The following GRK7 variants were observed in gnomAD, a reference collection of about 807,000 sequenced individuals.
GRK7 encodes the protein G protein-coupled receptor kinase 7, also known as rhodopsin kinase GRK7.
A neutral mutation model predicts 34.1 loss-of-function variants in GRK7; 24 were observed. The ratio of observed to expected loss-of-function variants is 0.70; its 90% CI spans 0.51 to 0.99. The LOEUF is 0.99. GRK7 is among the 50% of genes least tolerant of loss of function. GRK7 has a pLI of 0.00. For synonymous variants in GRK7, 256 were observed against 279.4 expected (o/e 0.92, Z 0.84); for missense variants, 644 against 707.3 (o/e 0.91, Z 1.02).
intron 2 of GRK7, among the ~76,000 whole-genome samples, chr3:141,775,366 G>A (rs1044396411): frequency 1.3e-5 from 2 of 152,068 alleles, no homozygotes; most frequent in South Asian, 2.1e-4. Context: ...TAGCCTGGGC[G>A]ACGACAGAGT....
At chr3:141,816,419 A>G (rs1247837424) in intron 5 of GRK7, among the ~76,000 whole-genome samples, 1 of 152,212 alleles carries the variant, frequency 6.6e-6, no homozygotes, top group Non-Finnish European at 1.5e-5. Context: ...CAGAACTTTC[A>G]TAGTATTTCC....
chr3:141,792,169 G>A (rs144043235), intron 4 of GRK7, among the ~76,000 whole-genome samples: 2,885 of 150,432 alleles, frequency 0.019, 97 homozygotes, highest in African/African-American at 0.066. Flanking sequence ...TTGGGAGGCC[G>A]AGGCGGACAG....
chr3:141,776,211 C>G (rs557308566), intron 2 of GRK7, among the ~76,000 whole-genome samples: 1 of 152,058 alleles, frequency 6.6e-6, no homozygotes, highest in South Asian at 2.1e-4. Context: ...GGCGTGAACC[C>G]AGGAGGCGGA....
chr3:141,789,570 C>T lies in GRK7; in HGVS notation c.1050+8759C>T, dbSNP rs534603664. 1.4e-4 allele frequency among the ~76,000 whole-genome samples: 21 copies of T among 150,516 alleles called. No homozygotes were observed. The East Asian group carries it at 3.5e-3, about 25-fold the overall frequency. ...AGGAGCCAGAGGAAGGTCTGTCCCACGTAAATCTCATGGATCGAGAGCAGA... is the reference window on the plus strand; with the variant it reads ...AGGAGCCAGAGGAAGGTCTGTCCCATGTAAATCTCATGGATCGAGAGCAGA... On this transcript the variant is annotated intron_variant, in intron 4 of 5. Transcript: ENST00000682958.
chr3:141,790,553 G>A (rs931478084), intron 4 of GRK7, among the ~76,000 whole-genome samples: 1 of 143,878 alleles, frequency 7.0e-6, no homozygotes, highest in South Asian at 2.2e-4. Flanking sequence ...TCCAGCCACT[G>A]TCTACATGCA....
At chr3:141,787,732 G>A (rs1449314555) in intron 4 of GRK7, among the ~76,000 whole-genome samples, 1 of 151,928 alleles carries the variant, frequency 6.6e-6, no homozygotes, top group Non-Finnish European at 1.5e-5. Context: ...CACCAGTCAG[G>A]TGCTGTGACT....
chr3:141,801,067 T>C (rs778917311), intron 4 of GRK7, among the ~76,000 whole-genome samples: 1 of 152,028 alleles, frequency 6.6e-6, no homozygotes, highest in African/African-American at 2.4e-5. Context: ...TCCCAGCACT[T>C]TGGGAGGCCG....
chr3:141,817,152 G>A lies in GRK7; in HGVS notation c.*102G>A, dbSNP rs1711164117. The A allele has an allele frequency of 2.4e-6, 2 of 844,270 alleles. No homozygotes were observed. The highest frequency in any genetic ancestry group is 2.6e-5 in the Admixed American group (1 of 38,670). 52.3% of individuals were successfully genotyped at this position (844,270 alleles called of 1,614,324 possible). On this transcript the variant is annotated 3_prime_UTR_variant, in exon 6 of 6. Transcript: ENST00000682958. Reference sequence around the variant, plus strand: ...GGAATGAGGGCTAATCAGTTAGGAGGGACATCACAACCACAAAACAATTCA... The same window carrying A: ...GGAATGAGGGCTAATCAGTTAGGAGAGACATCACAACCACAAAACAATTCA...
intron 4 of GRK7, among the ~76,000 whole-genome samples, chr3:141,790,848 G>C (rs1206274444): frequency 6.6e-6 from 1 of 152,226 alleles, no homozygotes; most frequent in Non-Finnish European, 1.5e-5. Context: ...ACAGGCGTAA[G>C]CCACCGCGCC....
At chr3:141,789,656 C>CAAAAAAAAAAAAAAAAAAAAAAAA (rs60765509) in intron 4 of GRK7, among the ~76,000 whole-genome samples, 50 of 119,210 alleles carry the variant, frequency 4.2e-4, no homozygotes, top group African/African-American at 1.3e-3. Context: ...GCCAAATGGG[C>CAAAAAAAAAAAAAAAAAAAAAAAA]AAAAAAAAAA....
intron 5 of GRK7, among the ~76,000 whole-genome samples, chr3:141,808,576 G>T (rs906005116): frequency 6.6e-6 from 1 of 151,954 alleles, no homozygotes; most frequent in Non-Finnish European, 1.5e-5. Context: ...AGCCGGGGGC[G>T]GTGGCAGGTG....
the GRK7 span, among the ~76,000 whole-genome samples, chr3:141,754,042 A>C: frequency 6.6e-6 from 1 of 152,258 alleles, no homozygotes; most frequent in East Asian, 1.9e-4. Context: ...ATAATGGTGC[A>C]TAATATAAGC....
Position 141,778,654 on chromosome 3 carries a change from C to T in GRK7, c.370C>T (p.Pro124Ser), listed in dbSNP as rs1306668074. 9.3e-6 allele frequency: 15 copies of T among 1,613,288 alleles called. No individual in the cohort carries two copies. Among genetic ancestry groups the T allele is most frequent in the Middle Eastern group, 3.3e-4 (2 of 6,082 alleles). The change falls in exon 3 of 6, where the codon CCC (proline) becomes TCC (serine). Residue 124 changes from proline (P) to serine (S), a missense_variant. By Grantham distance (74) the Pro-to-Ser change is moderately conservative. Coordinates refer to ENST00000682958, the MANE Select transcript of GRK7 (RefSeq NM_139209.3). The surrounding 1 kb of genome is among the most constrained non-coding windows in gnomAD (Gnocchi z 4.1). The part of the protein sequence containing the change: ...ASAPAPGNPQ[P>S]FLSQAVATKC... ...TGCCCCTGCCCCGGGGAACCCGCAA[C>T]CCTTCCTCAGCCAGGCCGTGGCCAC...
At chr3:141,812,416 G>A (rs969097604) in intron 5 of GRK7, among the ~76,000 whole-genome samples, 6 of 152,216 alleles carry the variant, frequency 3.9e-5, no homozygotes, top group Admixed American at 1.3e-4. Context: ...TTTTAATGAC[G>A]GAACTGTGGT....
At chr3:141,773,411 C>T (rs905900187) in intron 1 of GRK7, among the ~76,000 whole-genome samples, 3 of 151,826 alleles carry the variant, frequency 2.0e-5, no homozygotes, top group Admixed American at 1.3e-4. Flanking sequence ...TCTTCTACAT[C>T]GCTTAGGCCT....
intron 2 of GRK7, among the ~76,000 whole-genome samples, chr3:141,777,322 C>CTTTTTTTTTTTTTTTTTTTCTTTTTTT (rs2084644294): frequency 1.9e-5 from 1 of 52,872 alleles, no homozygotes; most frequent in African/African-American, 9.0e-5. Context: ...GATGGCCCCT[C>CTTTTTTTTTTTTTTTTTTTCTTTTTTT]TTTTTTTTTT....
At chr3:141,793,276 A>G (rs2084734119) in intron 4 of GRK7, among the ~76,000 whole-genome samples, 1 of 152,066 alleles carries the variant, frequency 6.6e-6, no homozygotes, top group South Asian at 2.1e-4. Context: ...ACTGGCATTC[A>G]AAGCCTAGAG....
chr3:141,801,310 C>CA (rs55657739), intron 4 of GRK7, among the ~76,000 whole-genome samples: 4,788 of 69,752 alleles, frequency 0.069, 412 homozygotes, highest in African/African-American at 0.21. Context: ...GACTCCGTCT[C>CA]AAAAAAAAAA....
At chr3:141,775,344 G>C (rs764458405) in intron 2 of GRK7, among the ~76,000 whole-genome samples, 1 of 152,002 alleles carries the variant, frequency 6.6e-6, no homozygotes, top group Non-Finnish European at 1.5e-5. Flanking sequence ...CTAAGATCAC[G>C]CCACTGCACC....
Sources: allele counts gnomAD v4.1 joint callset (sites outside exome capture counted in the v4.1 genomes callset), GRCh38; gene constraint gnomAD v4.1.1; non-coding constraint Gnocchi (gnomAD v3.1); transcripts MANE v1.5; gene names NCBI Gene and HGNC (gene_info 2026-07-23, HGNC 2026-07-21).